The following SNRK variants were observed in gnomAD, a reference collection of about 807,000 sequenced individuals.
SNRK encodes the protein SNF-related serine/threonine-protein kinase.
A neutral mutation model predicts 48.2 loss-of-function variants in SNRK; 3 were observed. The observed-to-expected ratio is 0.06, with a 90% CI of 0.03 to 0.16. The LOEUF is 0.16. Ranked by LOEUF, SNRK falls within the 10% of genes least tolerant of loss-of-function variation. SNRK has a pLI of 1.00. For synonymous variants in SNRK, 376 were observed against 366.1 expected, an observed-to-expected ratio of 1.03 and a Z score of -0.31; for missense variants, 627 against 976.0, an observed-to-expected ratio of 0.64 and a Z score of 4.76.
intron 3 of SNRK, among the ~76,000 whole-genome samples, chr3:43,329,086 G>C (rs1449220841): frequency 6.6e-6 from 1 of 152,288 alleles, no homozygotes; most frequent in East Asian, 1.9e-4. Context: ...TTTGGTTAAA[G>C]TCGTAGCGCT....
Position 43,337,390 on chromosome 3 carries a change from C to T in SNRK, c.732-2897C>T, listed in dbSNP as rs183603328. On this transcript the variant is annotated intron_variant, in intron 4 of 6. Transcript: ENST00000296088. ...TGCCCAGGGGCCTCATGTTTTTATA[C>T]TTAATTTAACAAAATTTATAGCTTA... is the stretch of plus-strand genomic sequence containing the variant. 8.5e-5 allele frequency among the ~76,000 whole-genome samples: 13 copies of T among 152,144 alleles called. No homozygotes were observed. In the East Asian group the frequency reaches 1.9e-3, roughly 23 times the overall value.
chr3:43,348,270 G>T lies in SNRK; in HGVS notation c.2011G>T (p.Gly671Cys). The stretch of plus-strand genomic sequence containing the variant: ...CAAGTACATTATTGATCCACAGAAT[G>T]GCTTGTCATTTTCCAGTGTGAAAGT... ...STKYIIDPQN[G>C]LSFSSVKVQE... Residue 671 changes from glycine (G) to cysteine (C), a missense_variant, in exon 7 of 7, where the codon GGC becomes TGC. By Grantham distance (159) the Gly-to-Cys change is radical (BLOSUM62 -3). Coordinates refer to ENST00000296088, the MANE Select transcript of SNRK (RefSeq NM_017719.5). 6.2e-7 allele frequency: 1 copy of T among 1,614,136 alleles called. No homozygotes were observed. Among genetic ancestry groups the T allele is most frequent in the Non-Finnish European group, 8.5e-7 (1 of 1,179,986 alleles).
chr3:43,325,772 A>G (rs2091092403), intron 3 of SNRK, among the ~76,000 whole-genome samples: 1 of 152,130 alleles, frequency 6.6e-6, no homozygotes, highest in African/African-American at 2.4e-5. Context: ...TAAATTTAAA[A>G]AGCCACTCTG....
chr3:43,342,407 C>G (rs967756493), intron 5 of SNRK, among the ~76,000 whole-genome samples: 1 of 152,192 alleles, frequency 6.6e-6, no homozygotes, highest in Non-Finnish European at 1.5e-5. Flanking sequence ...TAGTACTTGG[C>G]TGAAGAAACT....
At chr3:43,296,229 C>G (rs2090851813) in intron 1 of SNRK, among the ~76,000 whole-genome samples, 1 of 151,734 alleles carries the variant, frequency 6.6e-6, no homozygotes, top group Admixed American at 6.6e-5. Flanking sequence ...AATTCCTTTA[C>G]TTAAGTTGGT....
At chr3:43,316,324 C>G (rs2091013021) in intron 3 of SNRK, among the ~76,000 whole-genome samples, 1 of 151,878 alleles carries the variant, frequency 6.6e-6, no homozygotes, top group South Asian at 2.1e-4. Flanking sequence ...TGGTCATCAT[C>G]CATCAGTTTC....
At chr3:43,288,305 A>AT (rs1344695303) in intron 1 of SNRK, among the ~76,000 whole-genome samples, 1 of 152,090 alleles carries the variant, frequency 6.6e-6, no homozygotes, top group Non-Finnish European at 1.5e-5. Flanking sequence ...CTCTCACCGT[A>AT]TTTTTTAATA....
intron 4 of SNRK, among the ~76,000 whole-genome samples, chr3:43,337,222 C>T (rs959166226): frequency 4.0e-5 from 6 of 151,882 alleles, no homozygotes; most frequent in Non-Finnish European, 7.4e-5. Context: ...TACAGGCACA[C>T]GCCACCACAT....
intron 4 of SNRK, chr3:43,332,753 ACATAGTATGTCT>A (rs1273481210): frequency 1.3e-5 from 2 of 152,612 alleles, no homozygotes; most frequent in African/African-American, 4.8e-5. Flanking sequence ...TTTAGGGTTT[ACATAGTATGTCT>A]CATAATTTTC....
chr3:43,302,740 T>A (rs575638577), intron 2 of SNRK, among the ~76,000 whole-genome samples: 2 of 152,198 alleles, frequency 1.3e-5, no homozygotes, highest in Admixed American at 1.3e-4. Context: ...GTGTTTTCCC[T>A]TGTCAACTGT....
At chr3:43,304,697 T>C (rs556057856) in intron 3 of SNRK, among the ~76,000 whole-genome samples, 3 of 152,202 alleles carry the variant, frequency 2.0e-5, no homozygotes, top group Non-Finnish European at 4.4e-5. Context: ...CAGATTCATA[T>C]GTATGAGTAT....
chr3:43,341,263 G>C lies in SNRK; in HGVS notation c.944+764G>C, dbSNP rs2091234414. ...CCTCCCGGGTTCACGCCATTCTCCT[G>C]CCTCAGCCTCCCAAGTAGCTGGGAC... On this transcript the variant is annotated intron_variant, in intron 5 of 6. Coordinates refer to ENST00000296088, the MANE Select transcript of SNRK (RefSeq NM_017719.5). Among the ~76,000 whole-genome samples, 6 of 151,832 alleles carry C rather than the reference G, an allele frequency of 4.0e-5. No individual in the cohort carries two copies. In the South Asian group the frequency reaches 1.0e-3, roughly 26 times the overall value.
chr3:43,338,134 A>G (rs868336854), intron 4 of SNRK, among the ~76,000 whole-genome samples: 1 of 152,190 alleles, frequency 6.6e-6, no homozygotes, highest in Non-Finnish European at 1.5e-5. Flanking sequence ...AAATGCCACA[A>G]AGTAGATATG....
At chr3:43,326,919 A>G (rs2125635961) in intron 3 of SNRK, among the ~76,000 whole-genome samples, 1 of 152,342 alleles carries the variant, frequency 6.6e-6, no homozygotes, top group East Asian at 1.9e-4. Flanking sequence ...GTTAAATAAT[A>G]AAACCTTGCT....
chr3:43,320,666 T>A (rs56777143), intron 3 of SNRK, among the ~76,000 whole-genome samples: 1 of 127,540 alleles, frequency 7.8e-6, no homozygotes, highest in East Asian at 2.1e-4. Context: ...AGTAGCTGGG[T>A]TTTTTTTTTC....
intron 3 of SNRK, among the ~76,000 whole-genome samples, chr3:43,313,955 T>C (rs2090997010): frequency 6.6e-6 from 1 of 152,242 alleles, no homozygotes; most frequent in South Asian, 2.1e-4. Context: ...GGTTTTAGTT[T>C]TTAGCAGTAA....
intron 3 of SNRK, among the ~76,000 whole-genome samples, chr3:43,309,816 A>G (rs1301821244): frequency 1.3e-5 from 2 of 151,892 alleles, no homozygotes; most frequent in African/African-American, 2.4e-5. Flanking sequence ...GAGTCTTACT[A>G]TGTTGCCTGG....
intron 1 of SNRK, among the ~76,000 whole-genome samples, chr3:43,288,457 C>T (rs1343557407): frequency 6.6e-6 from 1 of 152,096 alleles, no homozygotes; most frequent in Non-Finnish European, 1.5e-5. Flanking sequence ...TCACATAATC[C>T]TAAAAGAAAG....
chr3:43,304,037 A>G (rs2090916801), intron 3 of SNRK, among the ~76,000 whole-genome samples: 1 of 152,140 alleles, frequency 6.6e-6, no homozygotes, highest in Admixed American at 6.5e-5. Flanking sequence ...CATTTAAAGT[A>G]ATCTCTTTTC....
Sources: gnomAD v4.1 joint callset for allele counts (sites outside exome capture counted in the v4.1 genomes callset) on GRCh38, gnomAD v4.1.1 for gene constraint, MANE v1.5 for transcripts, NCBI Gene and HGNC (gene_info 2026-07-23, HGNC 2026-07-21) for gene names.